Variants in SRCAP observed in about 807,000 individuals in gnomAD.
SRCAP encodes Snf2 related CREBBP activator protein.
In SRCAP, 46 loss-of-function variants were observed where a neutral mutation model predicts 263.1. That is an observed-to-expected ratio of 0.17 (90% CI 0.14 to 0.22). The LOEUF is 0.22. Ranked by LOEUF, SRCAP falls within the 10% of genes least tolerant of loss-of-function variation. SRCAP has a pLI of 1.00. For synonymous variants in SRCAP, 1,813 were observed against 1,662.1 expected (o/e 1.09, Z -2.21); for missense variants, 3,695 against 4,181.9 (o/e 0.88, Z 3.21).
Position 30,729,416 on chromosome 16 carries a change from C to T in SRCAP, c.5971C>T (p.His1991Tyr). 1 of 1,614,208 alleles carries T rather than the reference C, an allele frequency of 6.2e-7. No individual in the cohort carries two copies. The highest frequency in any genetic ancestry group is 1.3e-5 in the African/African-American group (1 of 75,058). ...TGTGGAGGCACCTCCCCCTTCCCTG[C>T]ATGCCTGCCACCCACCTCCTTGGCT... ...PPVEAPPPSL[H>Y]ACHPPPWLAP... Residue 1991 changes from histidine to tyrosine, a missense_variant, in exon 27 of 34, where the codon CAT becomes TAT. Coordinates refer to ENST00000262518, the MANE Select transcript of SRCAP (RefSeq NM_006662.3).
rs1300203114 is a variant in SRCAP at position 30,734,337 on chromosome 16, C to T, written c.6610-159C>T. The T allele has an allele frequency of 2.7e-6, 3 of 1,127,090 alleles. No homozygotes were observed. In the Admixed American group the frequency reaches 7.3e-5, roughly 27 times the overall value. 69.8% of individuals were successfully genotyped at this position (1,127,090 alleles called of 1,614,324 possible). Reference sequence around the variant, plus strand: ...TAGCCTGGGTGACGAGCAAAACCGTCTCAAAAAAGAAAAAACAAAAAGGAC... The same window carrying T: ...TAGCCTGGGTGACGAGCAAAACCGTTTCAAAAAAGAAAAAACAAAAAGGAC... On this transcript the variant is annotated intron_variant, in intron 30 of 33. Coordinates refer to ENST00000262518, the MANE Select transcript of SRCAP (RefSeq NM_006662.3).
chr16:30,710,354 T>G (rs1003883535), intron 8 of SRCAP, among the ~76,000 whole-genome samples: 2 of 152,184 alleles, frequency 1.3e-5, no homozygotes, highest in African/African-American at 4.8e-5. Flanking sequence ...ACTTTCCTCT[T>G]TAAATTGCTG....
chr16:30,714,255 G>C lies in SRCAP; in HGVS notation c.2493+544G>C, dbSNP rs181177684. On this transcript the variant is annotated intron_variant, in intron 16 of 33. Coordinates refer to ENST00000262518, the MANE Select transcript of SRCAP (RefSeq NM_006662.3). The stretch of plus-strand genomic sequence containing the variant: ...AATTTTTTGTATTTTTAGTAGAGAC[G>C]GGGTTTCACCGTATTAGCCAGGATG... Among the ~76,000 whole-genome samples, 6 of 151,706 alleles carry C rather than the reference G, an allele frequency of 4.0e-5. No individual in the cohort carries two copies. In the East Asian group the frequency reaches 1.2e-3, roughly 29 times the overall value.
chr16:30,736,697 C>G, intron 33 of SRCAP, 73 bp downstream of exon 33: 1 of 1,505,832 alleles, frequency 6.6e-7, no homozygotes. Context: ...TTTTTTGAGA[C>G]AGTCTCGCTC....
At chr16:30,734,403 C>G in intron 30 of SRCAP, 93 bp from the exon 31 acceptor site, 1 of 1,555,944 alleles carries the variant, frequency 6.4e-7, no homozygotes, top group Non-Finnish European at 8.7e-7. Context: ...ACCAGTGGTA[C>G]CCCTGACAGT....
chr16:30,718,152 C>T (rs1172645840), intron 18 of SRCAP, among the ~76,000 whole-genome samples: 1 of 151,656 alleles, frequency 6.6e-6, no homozygotes, highest in Non-Finnish European at 1.5e-5. Context: ...GGATTATAGG[C>T]GTGAGCTACC....
intron 3 of SRCAP, among the ~76,000 whole-genome samples, chr16:30,701,981 G>A (rs2052772073): frequency 6.7e-6 from 1 of 148,354 alleles, no homozygotes; most frequent in Non-Finnish European, 1.5e-5. Context: ...TTAAGATGGA[G>A]TCTCGCTCTG....
intron 18 of SRCAP, among the ~76,000 whole-genome samples, 157 bp downstream of exon 18, chr16:30,716,636 G>T (rs1025988330): frequency 1.6e-4 from 25 of 152,252 alleles, no homozygotes; most frequent in Non-Finnish European, 4.4e-5. Context: ...CTTAACGATG[G>T]TTCAACTTAA....
intron 18 of SRCAP, among the ~76,000 whole-genome samples, chr16:30,717,008 A>G (rs1344955110): frequency 6.6e-6 from 1 of 152,196 alleles, no homozygotes. Context: ...CTATTTCTGC[A>G]TGTTGGGAAA....
In SRCAP at chr16:30,707,719, A is replaced by AGT; in HGVS notation, c.633+9_633+10dup. Reference sequence around the variant, plus strand: ...CTGGAGCAATGTGGAGAAGGTAGACAGTGGGGATCAGGAAAGGAAAATGGC... The same window carrying AGT: ...CTGGAGCAATGTGGAGAAGGTAGACAGTGTGGGGATCAGGAAAGGAAAATGGC... On this transcript the variant is annotated splice_region_variant and intron_variant, in intron 6 of 33. Transcript: ENST00000262518. 1 of 1,614,114 alleles carries AGT rather than the reference A, an allele frequency of 6.2e-7. No homozygotes were observed. Among genetic ancestry groups the AGT allele is most frequent in the Non-Finnish European group, 8.5e-7 (1 of 1,179,954 alleles).
intron 32 of SRCAP, 32 bp from the exon 33 acceptor site, chr16:30,736,508 TC>T: frequency 1.2e-6 from 2 of 1,613,800 alleles, no homozygotes; most frequent in Non-Finnish European, 1.7e-6. Context: ...GGTACCAGGT[TC>T]CTAAGTTTAT....
chr16:30,731,998 A>G (rs977070737), intron 27 of SRCAP, among the ~76,000 whole-genome samples: 3 of 151,462 alleles, frequency 2.0e-5, no homozygotes, highest in Admixed American at 6.6e-5. Flanking sequence ...TACAAAAATT[A>G]GCCAGGCGTG....
chr16:30,720,691 C>A (rs756127955), intron 19 of SRCAP, 22 bp from the exon 20 acceptor site: 2 of 1,572,358 alleles, frequency 1.3e-6, no homozygotes, highest in African/African-American at 1.4e-5. Flanking sequence ...TCCCTACCCA[C>A]TCTCTTAATT....
intron 16 of SRCAP, among the ~76,000 whole-genome samples, chr16:30,715,629 G>C (rs2052940832): frequency 6.7e-6 from 1 of 149,948 alleles, no homozygotes; most frequent in African/African-American, 2.4e-5. Flanking sequence ...ATTTATCTCT[G>C]TTCCTTTACT....
At chr16:30,713,489 C>T (rs1596648607) in intron 15 of SRCAP, 30 bp from the exon 16 acceptor site, 15 of 1,612,844 alleles carry the variant, frequency 9.3e-6, no homozygotes, top group Non-Finnish European at 1.3e-5. Context: ...GCTGACCATA[C>T]TCTCTCTGAT....
rs896037145 is a variant in SRCAP at position 30,712,873 on chromosome 16, C to T, written c.2130+58C>T. 1.2e-5 allele frequency: 19 copies of T among 1,585,542 alleles called. No individual in the cohort carries two copies. The African/African-American group carries it at 1.6e-4, about 14-fold the overall frequency. On this transcript the variant is annotated intron_variant, in intron 14 of 33. Transcript: ENST00000262518. ...TTGATGCCTCCTTTATTTTTAAGCC[C>T]TTTCCTCAGGTGAATTCCTTTCTCT...
chr16:30,700,905 C>A, intron 3 of SRCAP, 27 bp downstream of exon 3: 1 of 1,611,962 alleles, frequency 6.2e-7, no homozygotes, highest in Non-Finnish European at 8.5e-7. Flanking sequence ...AGTTCCTTCT[C>A]TGCTTCTGCT....
At chr16:30,701,407 T>C (rs2052764675) in intron 3 of SRCAP, 1 of 152,414 alleles carries the variant, frequency 6.6e-6, no homozygotes, top group Non-Finnish European at 1.5e-5. Context: ...TCCTCCCAGT[T>C]TTAGTATATG....
chr16:30,709,019 A>G (rs2052858138), intron 6 of SRCAP, among the ~76,000 whole-genome samples: 1 of 151,238 alleles, frequency 6.6e-6, no homozygotes, highest in African/African-American at 2.4e-5. Flanking sequence ...GGGTTTCACC[A>G]TGTCGGTCAG....
Sources: gnomAD v4.1 joint callset for allele counts (sites outside exome capture counted in the v4.1 genomes callset) on GRCh38, gnomAD v4.1.1 for gene constraint, MANE v1.5 for transcripts, NCBI Gene and HGNC (gene_info 2026-07-23, HGNC 2026-07-21) for gene names.